PLCE1: variants seen among roughly 807,000 people sequenced by gnomAD.
The protein encoded by PLCE1 is phospholipase C epsilon 1.
A neutral mutation model predicts 242.8 loss-of-function variants in PLCE1; 119 were observed. That is an observed-to-expected ratio of 0.49 (90% CI 0.42 to 0.57). PLCE1 has a LOEUF of 0.57. Among genes scored for constraint, PLCE1 ranks in the 20% least tolerant of loss-of-function variants. PLCE1 has a pLI of 0.00. For missense variants in PLCE1, 2,441 were observed against 2,788.8 expected (o/e 0.88, Z 2.81); for synonymous variants, 945 against 1,017.4 (o/e 0.93, Z 1.35).
chr10:94,252,644 C>T (rs2050920279), intron 9 of PLCE1, 146 bp downstream of exon 9: 2 of 706,664 alleles, frequency 2.8e-6, no homozygotes, highest in Admixed American at 2.3e-5. Flanking sequence ...CACATACCTC[C>T]ATGGTGCCAT....
intron 3 of PLCE1, among the ~76,000 whole-genome samples, chr10:94,166,520 T>C (rs905240326): frequency 1.2e-4 from 18 of 151,954 alleles, no homozygotes; most frequent in African/African-American, 4.4e-4. Context: ...AAAGTCAGAA[T>C]CCTGTAAGGT....
At chr10:94,255,795 TC>T (rs2051050949) in intron 11 of PLCE1, among the ~76,000 whole-genome samples, 1 of 151,662 alleles carries the variant, frequency 6.6e-6, no homozygotes, top group Non-Finnish European at 1.5e-5. Flanking sequence ...TGCTGCTCCA[TC>T]CTCCTGTATC....
chr10:94,065,755 T>A (rs1026338055), intron 2 of PLCE1, among the ~76,000 whole-genome samples: 1 of 151,948 alleles, frequency 6.6e-6, no homozygotes, highest in African/African-American at 2.4e-5. Flanking sequence ...CAGGGAGGAG[T>A]AGGACCATTG....
chr10:94,130,628 G>A (rs1415937662), intron 2 of PLCE1, among the ~76,000 whole-genome samples: 5 of 152,144 alleles, frequency 3.3e-5, no homozygotes, highest in Admixed American at 2.6e-4. Context: ...TTCTGTCCCA[G>A]CACACCATCT....
chr10:94,138,235 T>TG (rs2046846214), intron 3 of PLCE1: 3 of 324,208 alleles, frequency 9.3e-6, no homozygotes, highest in Non-Finnish European at 1.8e-5. Flanking sequence ...CACCAGGGGG[T>TG]GCTGCATATT....
At chr10:94,148,301 A>T (rs1238992634) in intron 3 of PLCE1, among the ~76,000 whole-genome samples, 1 of 151,180 alleles carries the variant, frequency 6.6e-6, no homozygotes, top group African/African-American at 2.4e-5. Flanking sequence ...TGGAGGGTTC[A>T]TGTTTGGCAG....
At position 94,298,803 on chromosome 10, in the gene PLCE1, A is replaced by G; in HGVS notation, c.5458+134A>G. 1 of 912,026 alleles carries G rather than the reference A, an allele frequency of 1.1e-6. No individual in the cohort carries two copies. The highest frequency in any genetic ancestry group is 1.8e-6 in the Non-Finnish European group (1 of 561,604). The allele number at this position is 912,026 out of a possible 1,614,324, so 56.5% of individuals were successfully genotyped here. ...TGTGAGAGTAAAAATATGATGATGGAAAACAGAAGTGAATTTGATACTGAA... is the reference window on the plus strand; with the variant it reads ...TGTGAGAGTAAAAATATGATGATGGGAAACAGAAGTGAATTTGATACTGAA... On this transcript the variant is annotated intron_variant, in intron 24 of 32. Transcript: ENST00000371380. This position sits in a 1 kb window ranked among gnomAD's most constrained non-coding sequence, Gnocchi z 5.2.
chr10:93,998,127 G>T (rs563830160), intron 1 of PLCE1, among the ~76,000 whole-genome samples: 1 of 152,282 alleles, frequency 6.6e-6, no homozygotes, highest in South Asian at 2.1e-4. Flanking sequence ...GTGGGAGTTC[G>T]ACTGGAACTG....
intron 4 of PLCE1, among the ~76,000 whole-genome samples, chr10:94,191,753 T>A (rs1331003481): frequency 6.6e-6 from 1 of 152,178 alleles, no homozygotes; most frequent in Non-Finnish European, 1.5e-5. Context: ...GCCATAAAGA[T>A]GAAGTTGAGT....
Position 94,179,512 on chromosome 10 carries a change from G to GCTTTTTTTTTTTTTTTTTT in PLCE1, c.1809+8016_1809+8017insCTTTTTTTTTTTTTTTTTT, listed in dbSNP as rs2048227910. Among the ~76,000 whole-genome samples the GCTTTTTTTTTTTTTTTTTT allele has an allele frequency of 1.5e-4, 3 of 19,398 alleles. 1 individual carries two copies. The South Asian group carries it at 7.0e-3, about 45-fold the overall frequency. The allele number at this position is 19,398 out of a possible 152,430, so 12.7% of individuals were successfully genotyped here. ...TTTATCTTATTTTTATTTTAGTTTA[G>GCTTTTTTTTTTTTTTTTTT]TTTTTTTTTTTTTTTTTTGACAGGG... is the stretch of plus-strand genomic sequence containing the variant. On this transcript the variant is annotated intron_variant, in intron 4 of 32. Transcript: ENST00000371380.
intron 4 of PLCE1, among the ~76,000 whole-genome samples, chr10:94,181,552 G>C (rs575324139): frequency 6.6e-6 from 1 of 151,760 alleles, no homozygotes; most frequent in African/African-American, 2.4e-5. Flanking sequence ...CTCCAGCCTG[G>C]GTGACAGAGC....
chr10:94,156,049 T>C (rs915274011), intron 3 of PLCE1, among the ~76,000 whole-genome samples: 2 of 152,338 alleles, frequency 1.3e-5, no homozygotes, highest in African/African-American at 4.8e-5. Flanking sequence ...AATTTAACTC[T>C]GAGAATGTTC....
At chr10:94,142,544 A>C (rs1196431231) in intron 3 of PLCE1, among the ~76,000 whole-genome samples, 1 of 152,174 alleles carries the variant, frequency 6.6e-6, no homozygotes, top group Non-Finnish European at 1.5e-5. Flanking sequence ...AAAAATTAAA[A>C]ATAAAAACAG....
At chr10:94,326,594 A>G (rs1391526657) in intron 32 of PLCE1, among the ~76,000 whole-genome samples, 1 of 152,232 alleles carries the variant, frequency 6.6e-6, no homozygotes. Flanking sequence ...GTGCTACAAG[A>G]TTACTTCTTA....
intron 4 of PLCE1, among the ~76,000 whole-genome samples, chr10:94,207,406 G>A (rs1327747258): frequency 2.0e-5 from 3 of 152,090 alleles, no homozygotes; most frequent in East Asian, 3.8e-4. Flanking sequence ...AACACAAAAA[G>A]GAAAAAGGCT....
At chr10:94,280,192 G>C in intron 20 of PLCE1, 2 of 465,248 alleles carry the variant, frequency 4.3e-6, no homozygotes, top group Non-Finnish European at 7.9e-6. Flanking sequence ...GAGAAACCCT[G>C]TTTTCACCCT....
At chr10:94,257,788 G>A (rs1158387269) in intron 11 of PLCE1, among the ~76,000 whole-genome samples, 1 of 152,158 alleles carries the variant, frequency 6.6e-6, no homozygotes, top group African/African-American at 2.4e-5. Flanking sequence ...GAGGGAGGAG[G>A]GAGGGATAGC....
intron 3 of PLCE1, among the ~76,000 whole-genome samples, chr10:94,168,423 C>T (rs1307176060): frequency 1.3e-5 from 2 of 152,106 alleles, no homozygotes; most frequent in African/African-American, 2.4e-5. Flanking sequence ...TTAAGGAAAC[C>T]TACATGAAAG....
chr10:94,207,514 CGTGTGTGTGT>C (rs56098317), intron 4 of PLCE1, among the ~76,000 whole-genome samples: 1,708 of 142,858 alleles, frequency 0.012, 22 homozygotes, highest in African/African-American at 0.035. Context: ...AATAGTTATA[CGTGTGTGTGT>C]GTGTGTGTGT....
Sources: gnomAD v4.1 joint callset for allele counts (sites outside exome capture counted in the v4.1 genomes callset) on GRCh38, gnomAD v4.1.1 for gene constraint, Gnocchi (gnomAD v3.1) non-coding constraint, MANE v1.5 for transcripts, NCBI Gene and HGNC (gene_info 2026-07-23, HGNC 2026-07-21) for gene names.